The following MRPS18B variants were observed in gnomAD, a reference collection of about 807,000 sequenced individuals.
The protein encoded by MRPS18B is mitochondrial ribosomal protein S18B.
MRPS18B carries 27 observed loss-of-function variants against 28.4 expected under a neutral mutation model. That is an observed-to-expected ratio of 0.95 (90% CI 0.70 to 1.31). The LOEUF is 1.31. Ranked by LOEUF, MRPS18B falls within the 40% of genes most tolerant of loss-of-function variation. The pLI is 0.00. For synonymous variants in MRPS18B, 118 were observed against 123.7 expected, an observed-to-expected ratio of 0.95 and a Z score of 0.30; for missense variants, 343 against 335.9, an observed-to-expected ratio of 1.02 and a Z score of -0.17.
Position 30,625,723 on chromosome 6 carries a change from A to T in MRPS18B, c.703A>T (p.Met235Leu), listed in dbSNP as rs749787959. Residue 235 changes from methionine (M) to leucine (L), a missense_variant, in exon 7 of 7, where the codon ATG becomes TTG. Physicochemically the swap from Met to Leu is conservative, Grantham distance 15. Transcript: ENST00000259873. ...AGAGAGTGGCCCCCCACCTGAGTCA[A>T]TGCCCAAGATGCCCCCTAGAACACC... ...QEESGPPPESMPKMPPRTPAE... is the reference protein window; with the variant it reads ...QEESGPPPESLPKMPPRTPAE... The T allele has an allele frequency of 6.2e-7, 1 of 1,612,970 alleles. No homozygotes were observed. The highest frequency in any genetic ancestry group is 8.5e-7 in the Non-Finnish European group (1 of 1,180,036).
At position 30,625,723 on chromosome 6, in the gene MRPS18B, A is replaced by G. The variant is rs749787959; in HGVS notation, c.703A>G (p.Met235Val). 50 of 1,613,088 alleles carry G rather than the reference A, an allele frequency of 3.1e-5. No individual in the cohort carries two copies. The highest frequency in any genetic ancestry group is 4.0e-5 in the African/African-American group (3 of 75,058). The change falls in exon 7 of 7, where the codon ATG becomes GTG. Residue 235 changes from methionine (M) to valine (V), a missense_variant. Met to Val is a conservative substitution (Grantham distance 21, BLOSUM62 1). Coordinates refer to ENST00000259873, the MANE Select transcript of MRPS18B (RefSeq NM_014046.4). ...AGAGAGTGGCCCCCCACCTGAGTCA[A>G]TGCCCAAGATGCCCCCTAGAACACC... ...QEESGPPPES[M>V]PKMPPRTPAE...
chr6:30,622,684 G>T, intron 4 of MRPS18B, 148 bp from the exon 5 acceptor site: 1 of 684,882 alleles, frequency 1.5e-6, no homozygotes, highest in East Asian at 2.6e-5. Flanking sequence ...GCCAAACTGG[G>T]ACATGAAGGA....
intron 4 of MRPS18B, among the ~76,000 whole-genome samples, chr6:30,621,664 C>G (rs1403800890): frequency 6.6e-6 from 1 of 152,152 alleles, no homozygotes; most frequent in Admixed American, 6.5e-5. Flanking sequence ...GAGATTATGG[C>G]CAGGTGCGGT....
chr6:30,625,350 C>A (rs1582717037), intron 6 of MRPS18B, 152 bp from the exon 7 acceptor site: 1 of 801,630 alleles, frequency 1.2e-6, no homozygotes, highest in Non-Finnish European at 2.0e-6. Flanking sequence ...CCACACTTGC[C>A]CTCTGGGCCG....
rs188820794 is a variant in MRPS18B, at chr6:30,619,737, C to T, written c.216C>T (p.Pro72=). ...EEYQERYGSR[P]VWADYRRNHK... ...ACCAGGAGCGATATGGTTCTCGCCC[C>T]GTCTGGGCTGACTACCGCCGCAACC... is the stretch of plus-strand genomic sequence containing the variant. The change falls in exon 3 of 7, where the codon CCC becomes CCT. Residue 72 remains proline, a synonymous_variant. Transcript: ENST00000259873. 6.6e-5 allele frequency: 107 copies of T among 1,614,208 alleles called. No individual in the cohort carries two copies. In the Middle Eastern group the frequency reaches 8.2e-4, roughly 12 times the overall value.
At position 30,623,798 on chromosome 6, in the gene MRPS18B, G is replaced by A. The variant is rs1031105540; in HGVS notation, c.421+900G>A. On this transcript the variant is annotated intron_variant, in intron 5 of 6. Transcript: ENST00000259873. ...TTTTGTTGTTTTTTTTTTTTGAGAC[G>A]AAGTTTCACTCTTGTTGCCCAGGCT... 7.9e-5 allele frequency among the ~76,000 whole-genome samples: 12 copies of A among 151,010 alleles called. No homozygotes were observed. The East Asian group carries it at 1.4e-3, about 17-fold the overall frequency.
chr6:30,622,828 A>G lies in MRPS18B; in HGVS notation c.355-4A>G. 6.2e-7 allele frequency: 1 copy of G among 1,612,886 alleles called. No individual in the cohort carries two copies. Among genetic ancestry groups the G allele is most frequent in the Non-Finnish European group, 8.5e-7 (1 of 1,179,966 alleles). On this transcript the variant is annotated splice_polypyrimidine_tract_variant and splice_region_variant and intron_variant, in intron 4 of 6. Coordinates refer to ENST00000259873, the MANE Select transcript of MRPS18B (RefSeq NM_014046.4). Reference sequence around the variant, plus strand: ...TCACGTTTCTCTACCACTTTCCCCCACAGAACGTGAAGCTCTTGGAGCAAT... The same window carrying G: ...TCACGTTTCTCTACCACTTTCCCCCGCAGAACGTGAAGCTCTTGGAGCAAT...
chr6:30,623,941 A>T (rs534452789), intron 5 of MRPS18B, among the ~76,000 whole-genome samples: 2 of 151,978 alleles, frequency 1.3e-5, no homozygotes, highest in African/African-American at 4.8e-5. Context: ...ATGTCCGGCA[A>T]ATAGAGATGG....
Position 30,619,952 on chromosome 6 carries a change from C to T in MRPS18B, c.317C>T (p.Pro106Leu). The T allele has an allele frequency of 6.2e-7, 1 of 1,614,092 alleles. No homozygotes were observed. Among genetic ancestry groups the T allele is most frequent in the Non-Finnish European group, 8.5e-7 (1 of 1,180,002 alleles). ...AATAAAGTTGTTGGGAATCCCTGCC[C>T]CATCTGTCGAGATCACAAGTTGCAT... ...RRNKVVGNPC[P>L]ICRDHKLHVD... Residue 106 changes from proline to leucine, a missense_variant, in exon 4 of 7, where the codon CCC becomes CTC. By Grantham distance (98) the Pro-to-Leu change is moderately conservative. Transcript: ENST00000259873.
chr6:30,625,926 C>A lies in MRPS18B; in HGVS notation c.*129C>A. 9.6e-7 allele frequency: 1 copy of A among 1,036,278 alleles called. No homozygotes were observed. Among genetic ancestry groups the A allele is most frequent in the Middle Eastern group, 3.2e-4 (1 of 3,148 alleles). The allele number at this position is 1,036,278 out of a possible 1,614,324, so 64.2% of individuals were successfully genotyped here. A position where few individuals can be genotyped will look rare whatever the true frequency, so the allele number is the denominator to read the frequency against. ...GACCAGCCTGGGCACCATGGTGAAA[C>A]CTCGTCTTTACCAAAAAATACAAAA... On this transcript the variant is annotated 3_prime_UTR_variant, in exon 7 of 7. Transcript: ENST00000259873.
At chr6:30,619,897 C>T (rs950960800) in intron 3 of MRPS18B, 24 bp from the exon 4 acceptor site, 3 of 1,613,554 alleles carry the variant, frequency 1.9e-6, no homozygotes, top group Admixed American at 3.3e-5. Context: ...ACATCCTTAA[C>T]TGCTGTTTTT....
At chr6:30,624,729 C>T (rs1053682080) in intron 5 of MRPS18B, among the ~76,000 whole-genome samples, 154 bp from the exon 6 acceptor site, 5 of 152,150 alleles carry the variant, frequency 3.3e-5, no homozygotes, top group Non-Finnish European at 7.4e-5. Flanking sequence ...TTCCTTTGGG[C>T]AGATGGGGAA....
At chr6:30,617,975 C>G (rs1323768828) in intron 1 of MRPS18B, 32 bp downstream of exon 1, 1 of 1,611,860 alleles carries the variant, frequency 6.2e-7, no homozygotes, top group Non-Finnish European at 8.5e-7. Flanking sequence ...TGCACAACCT[C>G]AAGTTGGTTA....
rs755373025 is a variant in MRPS18B at position 30,619,819 on chromosome 6, G to A, written c.285+13G>A. The A allele has an allele frequency of 1.2e-6, 2 of 1,613,570 alleles. No individual in the cohort carries two copies. Among genetic ancestry groups the A allele is most frequent in the Non-Finnish European group, 8.5e-7 (1 of 1,179,538 alleles). The stretch of plus-strand genomic sequence containing the variant: ...GAAGACATGTATTGTGAGTTTCTGA[G>A]AGTGGGATGTGGAGTGCGGGGAGGC... On this transcript the variant is annotated intron_variant, in intron 3 of 6. Coordinates refer to ENST00000259873, the MANE Select transcript of MRPS18B (RefSeq NM_014046.4).
chr6:30,618,086 C>G (rs1384740450), intron 1 of MRPS18B, 143 bp downstream of exon 1: 9 of 793,772 alleles, frequency 1.1e-5, no homozygotes, highest in Non-Finnish European at 1.6e-5. Context: ...AACCCCCCCC[C>G]CACACCCCGC....
chr6:30,618,038 C>T, intron 1 of MRPS18B, 95 bp downstream of exon 1: 1 of 1,324,476 alleles, frequency 7.6e-7, no homozygotes, highest in South Asian at 1.2e-5. Flanking sequence ...TGGAGACCTT[C>T]CCACGTGTGT....
chr6:30,620,646 T>G (rs2127464542), intron 4 of MRPS18B, among the ~76,000 whole-genome samples: 1 of 152,088 alleles, frequency 6.6e-6, no homozygotes, highest in South Asian at 2.1e-4. Context: ...CTCAGCTCAC[T>G]GCAACCTCCG....
At chr6:30,618,024 C>T in intron 1 of MRPS18B, 81 bp downstream of exon 1, 3 of 1,447,530 alleles carry the variant, frequency 2.1e-6, no homozygotes, top group Non-Finnish European at 2.9e-6. Flanking sequence ...CAGGAATCCA[C>T]GAGTGGAGAC....
At chr6:30,621,268 G>C (rs1403089016) in intron 4 of MRPS18B, among the ~76,000 whole-genome samples, 1 of 152,124 alleles carries the variant, frequency 6.6e-6, no homozygotes, top group East Asian at 1.9e-4. Flanking sequence ...CAGGCATGGT[G>C]GCAGGCGCCT....
Sources: gnomAD v4.1 joint callset for allele counts (sites outside exome capture counted in the v4.1 genomes callset) on GRCh38, gnomAD v4.1.1 for gene constraint, MANE v1.5 for transcripts, NCBI Gene and HGNC (gene_info 2026-07-23, HGNC 2026-07-21) for gene names.